The following MYO3B variants were observed in gnomAD, a reference collection of about 807,000 sequenced individuals.
MYO3B encodes the protein myosin IIIB.
In MYO3B, 156 loss-of-function variants were observed where a neutral mutation model predicts 174.6. The ratio of observed to expected loss-of-function variants is 0.89; its 90% confidence interval spans 0.78 to 1.02. The LOEUF (loss-of-function observed/expected upper bound fraction) is 1.02, where lower values mean the gene tolerates loss of function less well. Among genes scored for constraint, MYO3B ranks in the 50% least tolerant of loss-of-function variants. The pLI is 0.00. For synonymous variants in MYO3B, 563 were observed against 569.1 expected, an observed-to-expected ratio of 0.99 and a Z score of 0.15; for missense variants, 1,632 against 1,639.4, an observed-to-expected ratio of 1.00 and a Z score of 0.08.
chr2:170,458,107 C>T (rs1438465493), intron 23 of MYO3B, among the ~76,000 whole-genome samples: 1 of 152,164 alleles, frequency 6.6e-6, no homozygotes, highest in Non-Finnish European at 1.5e-5. Context: ...TAGTTATTTA[C>T]TATCATTATC....
intron 8 of MYO3B, among the ~76,000 whole-genome samples, chr2:170,351,953 T>G (rs571830864): frequency 6.6e-6 from 1 of 152,270 alleles, no homozygotes; most frequent in South Asian, 2.1e-4. Context: ...CTTTGTTTGG[T>G]TTTTTGTTGT....
chr2:170,640,098 G>T (rs553961482), intron 32 of MYO3B, among the ~76,000 whole-genome samples: 27 of 152,132 alleles, frequency 1.8e-4, no homozygotes, highest in Non-Finnish European at 3.4e-4. Flanking sequence ...TTAAGTCCAT[G>T]GTTTTTCCAA....
intron 1 of MYO3B, among the ~76,000 whole-genome samples, chr2:170,195,584 C>T (rs1315686718): frequency 6.6e-6 from 1 of 152,174 alleles, no homozygotes; most frequent in African/African-American, 2.4e-5. Context: ...GGACAAGGAC[C>T]TAGGTACCGA....
intron 22 of MYO3B, among the ~76,000 whole-genome samples, chr2:170,421,512 G>A (rs957356754): frequency 2.0e-5 from 3 of 152,120 alleles, no homozygotes; most frequent in East Asian, 1.9e-4. Flanking sequence ...TGGCTGCCCC[G>A]GGGTGCCACC....
chr2:170,332,486 G>C (rs2093918651), intron 7 of MYO3B, among the ~76,000 whole-genome samples: 1 of 152,190 alleles, frequency 6.6e-6, no homozygotes, highest in East Asian at 1.9e-4. Flanking sequence ...TTTCTGGGTT[G>C]TGAGAGAATT....
At chr2:170,408,439 C>G (rs1053628744) in intron 22 of MYO3B, 1 of 152,302 alleles carries the variant, frequency 6.6e-6, no homozygotes, top group African/African-American at 2.4e-5. Flanking sequence ...AAACTAGGGC[C>G]AAAGAACAGA....
At chr2:170,514,891 T>G in intron 28 of MYO3B, 30 bp from the exon 29 acceptor site, 2 of 1,601,192 alleles carry the variant, frequency 1.2e-6, no homozygotes, top group Non-Finnish European at 1.7e-6. Context: ...GAGCATAACC[T>G]TGAGAAAGTC....
intron 1 of MYO3B, among the ~76,000 whole-genome samples, chr2:170,189,970 T>A (rs1055649450): frequency 1.3e-5 from 2 of 152,190 alleles, no homozygotes; most frequent in African/African-American, 4.8e-5. Flanking sequence ...TGTACTTGTC[T>A]TTTTAGGAAG....
intron 25 of MYO3B, among the ~76,000 whole-genome samples, chr2:170,483,997 A>G (rs1209598404): frequency 2.6e-5 from 4 of 152,232 alleles, no homozygotes; most frequent in East Asian, 3.8e-4. Flanking sequence ...TACTTACAGT[A>G]AATATCTGCC....
At chr2:170,474,200 T>G (rs2105990321) in intron 25 of MYO3B, among the ~76,000 whole-genome samples, 1 of 152,256 alleles carries the variant, frequency 6.6e-6, no homozygotes, top group Non-Finnish European at 1.5e-5. Context: ...CCCTGGATGC[T>G]CCTATAGAAA....
At chr2:170,413,489 C>T (rs2094558568) in intron 22 of MYO3B, among the ~76,000 whole-genome samples, 1 of 152,066 alleles carries the variant, frequency 6.6e-6, no homozygotes, top group Non-Finnish European at 1.5e-5. Context: ...TGGGGCTGTG[C>T]TCTTGAAGAG....
At chr2:170,592,068 G>A (rs1423983125) in intron 32 of MYO3B, among the ~76,000 whole-genome samples, 1 of 152,178 alleles carries the variant, frequency 6.6e-6, no homozygotes, top group African/African-American at 2.4e-5. Flanking sequence ...AATGTGGAAA[G>A]TGAGGTATGA....
intron 7 of MYO3B, among the ~76,000 whole-genome samples, chr2:170,238,409 G>T (rs2093095183): frequency 6.6e-6 from 1 of 152,068 alleles, no homozygotes; most frequent in Non-Finnish European, 1.5e-5. Context: ...AAAAGCAAAT[G>T]AAAAATAATG....
At position 170,512,792 on chromosome 2, in the gene MYO3B, T is replaced by C. The variant is rs557578619; in HGVS notation, c.3371-2129T>C. Among the ~76,000 whole-genome samples, 274 of 152,220 alleles carry C rather than the reference T, an allele frequency of 1.8e-3. 3 individuals carry two copies. The highest frequency in any genetic ancestry group is 1.0e-3 in the Non-Finnish European group (69 of 68,026). On this transcript the variant is annotated intron_variant, in intron 28 of 34. Transcript: ENST00000408978. ...ATGTTTAAATAAATGACCTGCATCATGTAATATTTAGGAGTTCAGACTTTA... is the reference window on the plus strand; with the variant it reads ...ATGTTTAAATAAATGACCTGCATCACGTAATATTTAGGAGTTCAGACTTTA...
intron 20 of MYO3B, among the ~76,000 whole-genome samples, chr2:170,404,756 C>A (rs2094499986): frequency 6.6e-6 from 1 of 152,172 alleles, no homozygotes; most frequent in African/African-American, 2.4e-5. Context: ...CCATCCACCT[C>A]TAATCTGATT....
chr2:170,366,469 T>C (rs550608968), intron 8 of MYO3B, among the ~76,000 whole-genome samples: 1 of 151,954 alleles, frequency 6.6e-6, no homozygotes, highest in South Asian at 2.1e-4. Context: ...TTTTAAATTA[T>C]TTTTAGTAGA....
At chr2:170,212,630 G>A (rs1034656548) in intron 3 of MYO3B, among the ~76,000 whole-genome samples, 14 of 106,884 alleles carry the variant, frequency 1.3e-4, no homozygotes, top group African/African-American at 4.9e-4. Flanking sequence ...TTTATTGGGA[G>A]AAAAGGAAAA....
chr2:170,248,825 T>C (rs75622339), intron 7 of MYO3B, among the ~76,000 whole-genome samples: 4,221 of 152,320 alleles, frequency 0.028, 61 homozygotes, highest in Middle Eastern at 0.041. Context: ...CTTAATCCTC[T>C]CTTGCCATAT....
rs374030259 is a variant in MYO3B, at chr2:170,236,041, C to T, written c.654C>T (p.Asp218=). ...QYDSSYDARC[D]VWSLGITAIE... is the part of the protein sequence containing the mutation. The stretch of plus-strand genomic sequence containing the variant: ...ACTCTTCCTATGACGCTCGCTGTGA[C>T]GTCTGGTCCTTGGGGATCACAGCTA... The change falls in exon 7 of 35, where the codon GAC becomes GAT. Residue 218 remains aspartate (D), a synonymous_variant. Coordinates refer to ENST00000408978, the MANE Select transcript of MYO3B (RefSeq NM_138995.5). The T allele has an allele frequency of 7.4e-5, 120 of 1,613,932 alleles. No individual in the cohort carries two copies. Among genetic ancestry groups the T allele is most frequent in the Non-Finnish European group, 9.7e-5 (114 of 1,180,004 alleles).
Sources: gnomAD v4.1 joint callset for allele counts (sites outside exome capture counted in the v4.1 genomes callset) on GRCh38, gnomAD v4.1.1 for gene constraint, MANE v1.5 for transcripts, NCBI Gene and HGNC (gene_info 2026-07-23, HGNC 2026-07-21) for gene names.